The following DLG2 variants were observed in gnomAD, a reference collection of about 807,000 sequenced individuals.
The protein encoded by DLG2 is disks large homolog 2.
In DLG2, 45 loss-of-function variants were observed where a neutral mutation model predicts 132.5. The ratio of observed to expected loss-of-function variants is 0.34; its 90% CI spans 0.27 to 0.44. DLG2 has a LOEUF of 0.44. Ranked by LOEUF, DLG2 falls within the 20% of genes least tolerant of loss-of-function variation. DLG2 has a pLI of 1.00. For missense variants in DLG2, 1,045 were observed against 1,196.9 expected, an observed-to-expected ratio of 0.87 and a Z score of 1.87; for synonymous variants, 424 against 419.6, an observed-to-expected ratio of 1.01 and a Z score of -0.13.
At chr11:85,425,897 G>T (rs998888052) in intron 3 of DLG2, among the ~76,000 whole-genome samples, 7 of 152,214 alleles carry the variant, frequency 4.6e-5, no homozygotes, top group Non-Finnish European at 5.9e-5. Context: ...GTCAAAGAAA[G>T]GAGTGACAGA....
At chr11:84,795,610 T>C (rs1414366661) in intron 6 of DLG2, among the ~76,000 whole-genome samples, 2 of 152,094 alleles carry the variant, frequency 1.3e-5, no homozygotes, top group East Asian at 1.9e-4. Context: ...ACCCACCAAA[T>C]TGTGGAGCTG....
At chr11:83,791,195 G>C (rs2041461078) in intron 17 of DLG2, 2 of 639,468 alleles carry the variant, frequency 3.1e-6, no homozygotes, top group Non-Finnish European at 5.7e-6. Flanking sequence ...GCTGCGGAGG[G>C]AGGTGGCCTT....
At chr11:84,972,009 A>AG (rs1592042388) in intron 6 of DLG2, among the ~76,000 whole-genome samples, 2 of 152,278 alleles carry the variant, frequency 1.3e-5, no homozygotes, top group East Asian at 3.9e-4. Flanking sequence ...TATGTTTAAG[A>AG]GGAAAAAAAG....
chr11:85,100,090 A>G (rs1379926277), intron 6 of DLG2, among the ~76,000 whole-genome samples: 1 of 152,200 alleles, frequency 6.6e-6, no homozygotes, highest in Non-Finnish European at 1.5e-5. Flanking sequence ...ATTAAATTCT[A>G]TGCTCTTATT....
chr11:83,558,335 TTTATC>T (rs1382072273), intron 19 of DLG2, among the ~76,000 whole-genome samples: 26 of 152,298 alleles, frequency 1.7e-4, no homozygotes, highest in African/African-American at 4.3e-4. Context: ...TTAAAAAACT[TTTATC>T]TTATTATCTT....
chr11:84,549,848 G>A (rs1565271060), intron 6 of DLG2, among the ~76,000 whole-genome samples: 1 of 151,924 alleles, frequency 6.6e-6, no homozygotes, highest in Non-Finnish European at 1.5e-5. Context: ...CCGCCTCCTG[G>A]GCTCACGAGA....
chr11:84,476,508 A>C (rs556162670), intron 7 of DLG2, among the ~76,000 whole-genome samples: 1 of 152,316 alleles, frequency 6.6e-6, no homozygotes, highest in Non-Finnish European at 1.5e-5. Flanking sequence ...CTGAAAAGCT[A>C]TGACATTCAA....
chr11:84,141,172 T>C (rs1015580581), intron 9 of DLG2, among the ~76,000 whole-genome samples: 3 of 152,060 alleles, frequency 2.0e-5, no homozygotes, highest in African/African-American at 7.2e-5. Context: ...GGTCCCAACC[T>C]CCAAAGAATA....
At chr11:83,462,787 T>A (rs2090279446) in intron 26 of DLG2, among the ~76,000 whole-genome samples, 1 of 152,174 alleles carries the variant, frequency 6.6e-6, no homozygotes, top group African/African-American at 2.4e-5. Context: ...TGACATATAC[T>A]CCAAAAATTT....
intron 7 of DLG2, among the ~76,000 whole-genome samples, chr11:84,507,770 C>A (rs908629348): frequency 6.6e-5 from 10 of 152,096 alleles, no homozygotes; most frequent in Non-Finnish European, 1.3e-4. Context: ...GTGGTGAATA[C>A]ATTTATTGAC....
At chr11:84,558,043 C>G (rs555955567) in intron 6 of DLG2, among the ~76,000 whole-genome samples, 1 of 151,984 alleles carries the variant, frequency 6.6e-6, no homozygotes, top group Non-Finnish European at 1.5e-5. Context: ...AAAATCTCAT[C>G]GACAGGATTT....
At chr11:83,507,758 T>TTATA (rs59086507) in intron 21 of DLG2, among the ~76,000 whole-genome samples, 7,389 of 98,232 alleles carry the variant, frequency 0.075, 293 homozygotes, top group Admixed American at 0.1. Context: ...TATATTTTTA[T>TTATA]TATATATATA....
chr11:84,220,441 C>T (rs1158802525), intron 8 of DLG2, among the ~76,000 whole-genome samples: 3 of 152,172 alleles, frequency 2.0e-5, no homozygotes, highest in African/African-American at 7.2e-5. Context: ...ACAAATCACA[C>T]ACATACACCA....
chr11:84,466,024 AC>A (rs2099093466), intron 7 of DLG2, among the ~76,000 whole-genome samples: 1 of 151,228 alleles, frequency 6.6e-6, no homozygotes. Flanking sequence ...TGAGAAAAAG[AC>A]CCAGATATAT....
chr11:83,641,557 C>A (rs12275022), intron 18 of DLG2, among the ~76,000 whole-genome samples: 37,887 of 151,988 alleles, frequency 0.25, 5,190 homozygotes, highest in African/African-American at 0.36. Context: ...GCTTTTCTCA[C>A]CCTGGCTGCT....
intron 6 of DLG2, among the ~76,000 whole-genome samples, chr11:84,729,730 C>A (rs1447960733): frequency 6.6e-6 from 1 of 151,918 alleles, no homozygotes; most frequent in Non-Finnish European, 1.5e-5. Flanking sequence ...TCTTATTTAG[C>A]TGATTAGTCA....
At chr11:83,895,686 A>G (rs1425072627) in intron 15 of DLG2, among the ~76,000 whole-genome samples, 1 of 152,226 alleles carries the variant, frequency 6.6e-6, no homozygotes, top group Admixed American at 6.5e-5. Flanking sequence ...GCCTGCTGCT[A>G]TTCATTCTTC....
At chr11:84,270,012 C>A (rs2097698917) in intron 7 of DLG2, among the ~76,000 whole-genome samples, 1 of 152,110 alleles carries the variant, frequency 6.6e-6, no homozygotes, top group Non-Finnish European at 1.5e-5. Flanking sequence ...TGTGAGTGAG[C>A]TGATTGAACT....
At chr11:83,798,548 GA>G (rs2043451383) in intron 17 of DLG2, among the ~76,000 whole-genome samples, 1 of 152,046 alleles carries the variant, frequency 6.6e-6, no homozygotes, top group African/African-American at 2.4e-5. Flanking sequence ...TATTAACTGT[GA>G]AAAAAATACA....
Sources: gnomAD v4.1 joint callset for allele counts (sites outside exome capture counted in the v4.1 genomes callset) on GRCh38, gnomAD v4.1.1 for gene constraint, MANE v1.5 for transcripts, NCBI Gene and HGNC (gene_info 2026-07-23, HGNC 2026-07-21) for gene names.